CCDC178: variants seen among roughly 807,000 people sequenced by gnomAD.
The protein encoded by CCDC178 is coiled-coil domain containing 178.
In CCDC178, 126 loss-of-function variants were observed where a neutral mutation model predicts 117.4. The ratio of observed to expected loss-of-function variants is 1.07; its 90% CI spans 0.93 to 1.24. The LOEUF (loss-of-function observed/expected upper bound fraction) is 1.24, where lower values mean the gene tolerates loss of function less well. CCDC178 is among the 50% of genes most tolerant of loss of function. The pLI, the probability that CCDC178 is intolerant of heterozygous loss-of-function variation, is 0.00. For synonymous variants in CCDC178, 283 were observed against 313.4 expected, an observed-to-expected ratio of 0.90 and a Z score of 1.02; for missense variants, 1,030 against 986.9, an observed-to-expected ratio of 1.04 and a Z score of -0.59.
chr18:33,266,270 C>G (rs1424252755), intron 14 of CCDC178, among the ~76,000 whole-genome samples: 1 of 151,860 alleles, frequency 6.6e-6, no homozygotes, highest in Non-Finnish European at 1.5e-5. Context: ...TCCCTTTGTC[C>G]AGCATATCCA....
At chr18:33,156,572 A>G (rs1487303388) in intron 20 of CCDC178, among the ~76,000 whole-genome samples, 1 of 140,816 alleles carries the variant, frequency 7.1e-6, no homozygotes, top group Admixed American at 7.8e-5. Context: ...CTTACAGTCA[A>G]TTCTTTCTTA....
At chr18:33,387,160 G>A (rs546392093) in intron 5 of CCDC178, among the ~76,000 whole-genome samples, 151 of 152,158 alleles carry the variant, frequency 9.9e-4, no homozygotes, top group African/African-American at 3.3e-3. Context: ...GGGAAGTGAA[G>A]GGCCTCTTCA....
chr18:33,143,548 A>C (rs1343172018), intron 20 of CCDC178, among the ~76,000 whole-genome samples: 3 of 152,280 alleles, frequency 2.0e-5, no homozygotes, highest in South Asian at 2.1e-4. Flanking sequence ...TGCAGCTTCA[A>C]CTTTGGTAGG....
chr18:33,125,210 T>C (rs2144230328), intron 20 of CCDC178, among the ~76,000 whole-genome samples: 1 of 152,174 alleles, frequency 6.6e-6, no homozygotes, highest in East Asian at 1.9e-4. Context: ...TTGCATAATA[T>C]AATGCACTTC....
At chr18:33,184,780 AATG>A (rs1256449633) in intron 20 of CCDC178, among the ~76,000 whole-genome samples, 2 of 152,034 alleles carry the variant, frequency 1.3e-5, no homozygotes, top group Non-Finnish European at 2.9e-5. Flanking sequence ...TTTACTAAAA[AATG>A]ATGGGAAAAT....
intron 14 of CCDC178, among the ~76,000 whole-genome samples, chr18:33,258,135 G>A (rs1408894578): frequency 1.3e-5 from 2 of 151,936 alleles, no homozygotes; most frequent in African/African-American, 2.4e-5. Context: ...ATGCACCAAA[G>A]TCCATCCATC....
At chr18:33,198,119 AC>A (rs1209390457) in intron 20 of CCDC178, among the ~76,000 whole-genome samples, 5 of 152,208 alleles carry the variant, frequency 3.3e-5, no homozygotes, top group Non-Finnish European at 7.3e-5. Flanking sequence ...CCCACAGGAC[AC>A]TGCAAGTCAT....
chr18:33,282,842 C>A (rs1381018921), intron 12 of CCDC178, among the ~76,000 whole-genome samples: 1 of 152,152 alleles, frequency 6.6e-6, no homozygotes, highest in Non-Finnish European at 1.5e-5. Flanking sequence ...GTGCCTCCCC[C>A]TTGTGTTAAT....
intron 20 of CCDC178, among the ~76,000 whole-genome samples, chr18:33,173,840 C>T (rs748402586): frequency 2.0e-5 from 3 of 152,056 alleles, no homozygotes; most frequent in African/African-American, 2.4e-5. Flanking sequence ...CCTGTATTCT[C>T]GAGTTTTACA....
intron 20 of CCDC178, among the ~76,000 whole-genome samples, chr18:33,173,368 CT>C (rs1342056758): frequency 2.2e-4 from 34 of 152,112 alleles, no homozygotes. Context: ...TTTATAGAAA[CT>C]TCTAATTACT....
chr18:33,101,185 A>C (rs1267547246), intron 20 of CCDC178, among the ~76,000 whole-genome samples: 1 of 151,532 alleles, frequency 6.6e-6, no homozygotes, highest in Non-Finnish European at 1.5e-5. Context: ...AACATATTTG[A>C]TGTTATGCCC....
intron 20 of CCDC178, among the ~76,000 whole-genome samples, chr18:33,156,641 C>CAA (rs35712594): frequency 0.17 from 16,727 of 98,820 alleles, 1,545 homozygotes; most frequent in East Asian, 0.31. Flanking sequence ...TCCTCCCTCT[C>CAA]AAAAAAAAAA....
At chr18:32,983,172 G>A (rs2055187635) in intron 21 of CCDC178, 11 of 645,748 alleles carry the variant, frequency 1.7e-5, no homozygotes. Flanking sequence ...GTACACTGGA[G>A]TGGGAATTGG....
At chr18:33,106,457 A>T (rs749379462) in intron 20 of CCDC178, among the ~76,000 whole-genome samples, 1 of 151,740 alleles carries the variant, frequency 6.6e-6, no homozygotes, top group Non-Finnish European at 1.5e-5. Flanking sequence ...ACCTGTTCAC[A>T]TGCAGTCAGG....
intron 3 of CCDC178, among the ~76,000 whole-genome samples, chr18:33,398,573 A>G (rs922573746): frequency 3.9e-5 from 6 of 152,182 alleles, no homozygotes; most frequent in African/African-American, 1.4e-4. Context: ...CAAGGAGTAT[A>G]TCTATTTATA....
chr18:33,383,953 C>G (rs2063466694), intron 5 of CCDC178, among the ~76,000 whole-genome samples: 1 of 151,962 alleles, frequency 6.6e-6, no homozygotes, highest in South Asian at 2.1e-4. Flanking sequence ...TGCAAAGAAG[C>G]TAAGAACCAT....
chr18:33,171,957 C>G (rs1428081001), intron 20 of CCDC178, among the ~76,000 whole-genome samples: 3 of 152,184 alleles, frequency 2.0e-5, no homozygotes, highest in Admixed American at 6.5e-5. Context: ...GTCACCCAGG[C>G]TGGAGTGCAG....
chr18:33,152,183 T>C (rs2058348863), intron 20 of CCDC178, among the ~76,000 whole-genome samples: 1 of 152,108 alleles, frequency 6.6e-6, no homozygotes. Flanking sequence ...ATCTGAATTT[T>C]TAGTGGCTAG....
intron 21 of CCDC178, among the ~76,000 whole-genome samples, chr18:32,998,918 C>CTA (rs2055572729): frequency 6.6e-6 from 1 of 151,892 alleles, no homozygotes; most frequent in Non-Finnish European, 1.5e-5. Context: ...GCTGTGGTGG[C>CTA]TACGGAAAGA....
Sources: allele counts gnomAD v4.1 joint callset (sites outside exome capture counted in the v4.1 genomes callset), GRCh38; gene constraint gnomAD v4.1.1; transcripts MANE v1.5; gene names NCBI Gene and HGNC (gene_info 2026-07-23, HGNC 2026-07-21).